Variants in KLF12 observed in about 807,000 individuals in gnomAD.
The protein encoded by KLF12 is KLF transcription factor 12.
A neutral mutation model predicts 37.8 loss-of-function variants in KLF12; 9 were observed. The observed-to-expected ratio is 0.24, with a 90% CI of 0.14 to 0.42. The LOEUF is 0.42. Ranked by LOEUF, KLF12 falls within the 10% of genes least tolerant of loss-of-function variation. KLF12 has a pLI of 1.00. For synonymous variants in KLF12, 208 were observed against 202.1 expected, an observed-to-expected ratio of 1.03 and a Z score of -0.25; for missense variants, 411 against 516.0, an observed-to-expected ratio of 0.80 and a Z score of 1.97.
At chr13:73,816,736 T>C (rs1344134633) in intron 4 of KLF12, among the ~76,000 whole-genome samples, 1 of 152,200 alleles carries the variant, frequency 6.6e-6, no homozygotes, top group Admixed American at 6.5e-5. Context: ...GTGACACAAG[T>C]AGAGGCTTGA....
intron 7 of KLF12, among the ~76,000 whole-genome samples, chr13:73,713,757 T>C (rs571916335): frequency 6.6e-6 from 1 of 152,372 alleles, no homozygotes; most frequent in South Asian, 2.1e-4. Flanking sequence ...CCTTTAATAG[T>C]ACCTGATTAA....
the KLF12 span, among the ~76,000 whole-genome samples, chr13:74,286,877 T>C: frequency 6.6e-6 from 1 of 152,180 alleles, no homozygotes; most frequent in Non-Finnish European, 1.5e-5. Context: ...GTTTTTGGAA[T>C]GGGGACTCAG....
the KLF12 span, among the ~76,000 whole-genome samples, chr13:74,228,824 A>AAT: frequency 2.6e-5 from 4 of 151,808 alleles, no homozygotes; most frequent in Admixed American, 6.6e-5. Flanking sequence ...TTAAAAAAAA[A>AAT]GTAAAGATTA....
At chr13:73,741,924 G>C (rs770231581) in intron 6 of KLF12, among the ~76,000 whole-genome samples, 19 of 152,232 alleles carry the variant, frequency 1.2e-4, no homozygotes, top group Non-Finnish European at 2.6e-4. Context: ...AGTAAGGTGG[G>C]GACTATCTCT....
At chr13:74,106,897 T>C (rs1194806441) in intron 1 of KLF12, among the ~76,000 whole-genome samples, 1 of 150,674 alleles carries the variant, frequency 6.6e-6, no homozygotes, top group Admixed American at 6.6e-5. Context: ...TCAAAAGAGC[T>C]CAAAGGAAAA....
chr13:73,739,507 T>C (rs1877795981), intron 6 of KLF12, among the ~76,000 whole-genome samples: 1 of 152,126 alleles, frequency 6.6e-6, no homozygotes, highest in African/African-American at 2.4e-5. Context: ...ATGTAAGATG[T>C]AGAAGTGAAG....
At chr13:73,715,077 C>T (rs756779037) in intron 7 of KLF12, among the ~76,000 whole-genome samples, 5 of 151,950 alleles carry the variant, frequency 3.3e-5, no homozygotes, top group Non-Finnish European at 5.9e-5. Context: ...TTTGATGTGC[C>T]ACGTGGACAT....
intron 7 of KLF12, among the ~76,000 whole-genome samples, chr13:73,708,469 A>G (rs1015734800): frequency 8.5e-5 from 13 of 152,176 alleles, no homozygotes; most frequent in African/African-American, 3.1e-4. Flanking sequence ...GAACACTGAT[A>G]ATGTCAGTGT....
intron 3 of KLF12, among the ~76,000 whole-genome samples, chr13:73,934,148 G>C (rs536408334): frequency 6.6e-6 from 1 of 150,956 alleles, no homozygotes; most frequent in African/African-American, 2.4e-5. Flanking sequence ...AAATTGAGGG[G>C]TTTTTTTTTG....
chr13:73,878,507 C>T (rs1228941066), intron 3 of KLF12, among the ~76,000 whole-genome samples: 2 of 152,078 alleles, frequency 1.3e-5, no homozygotes, highest in East Asian at 1.9e-4. Flanking sequence ...CTATTTTTGA[C>T]GTGGGAATTT....
intron 3 of KLF12, among the ~76,000 whole-genome samples, chr13:73,940,002 G>A (rs1890117864): frequency 6.6e-6 from 1 of 152,172 alleles, no homozygotes; most frequent in Non-Finnish European, 1.5e-5. Flanking sequence ...GGGCATAGAG[G>A]CCTGGAGATA....
chr13:74,225,937 T>C, the KLF12 span, among the ~76,000 whole-genome samples: 3 of 152,108 alleles, frequency 2.0e-5, no homozygotes, highest in African/African-American at 7.2e-5. Flanking sequence ...ATAGCAGTGA[T>C]AAAGTCAATG....
the KLF12 span, among the ~76,000 whole-genome samples, chr13:74,288,128 A>T: frequency 2.0e-5 from 3 of 152,188 alleles, no homozygotes; most frequent in African/African-American, 7.2e-5. Flanking sequence ...GAGTTCAGAT[A>T]AAAAGGGTCA....
the KLF12 span, among the ~76,000 whole-genome samples, chr13:74,273,353 ATTTT>A: frequency 6.6e-6 from 1 of 151,656 alleles, no homozygotes; most frequent in African/African-American, 2.4e-5. Context: ...CCTTGGGCTC[ATTTT>A]TTTCCTTTGG....
At chr13:73,961,444 G>T (rs969405918) in intron 2 of KLF12, among the ~76,000 whole-genome samples, 1 of 152,106 alleles carries the variant, frequency 6.6e-6, no homozygotes, top group Non-Finnish European at 1.5e-5. Context: ...CCCGAAATTG[G>T]AGACAAAGAT....
At chr13:74,246,406 C>T in the KLF12 span, among the ~76,000 whole-genome samples, 2 of 152,176 alleles carry the variant, frequency 1.3e-5, no homozygotes, top group African/African-American at 2.4e-5. Context: ...AATGTTGCCT[C>T]GGCTTATTCC....
intron 1 of KLF12, among the ~76,000 whole-genome samples, chr13:74,077,813 C>G (rs1268637784): frequency 6.6e-6 from 1 of 152,172 alleles, no homozygotes; most frequent in South Asian, 2.1e-4. Context: ...AAATTTAGTT[C>G]TCTGCCCAAT....
chr13:74,006,798 TGAC>T (rs1047610910), intron 1 of KLF12, among the ~76,000 whole-genome samples: 3 of 152,314 alleles, frequency 2.0e-5, no homozygotes, highest in Admixed American at 2.0e-4. Flanking sequence ...CTCTTTAGAT[TGAC>T]TTTTGCAATT....
intron 4 of KLF12, among the ~76,000 whole-genome samples, chr13:73,828,913 T>C (rs1328395332): frequency 3.3e-5 from 5 of 152,300 alleles, no homozygotes; most frequent in Admixed American, 6.5e-5. Flanking sequence ...TTTTAAAAAC[T>C]GCCCTTCCTT....
Sources: gnomAD v4.1 joint callset for allele counts (sites outside exome capture counted in the v4.1 genomes callset) on GRCh38, gnomAD v4.1.1 for gene constraint, MANE v1.5 for transcripts, NCBI Gene and HGNC (gene_info 2026-07-23, HGNC 2026-07-21) for gene names.